ANO1: variants seen among roughly 807,000 people sequenced by gnomAD.
ANO1 encodes anoctamin 1.
ANO1 carries 59 observed loss-of-function variants against 124.0 expected under a neutral mutation model. The observed-to-expected ratio is 0.48, with a 90% confidence interval of 0.39 to 0.59. The LOEUF (loss-of-function observed/expected upper bound fraction) is 0.59, where lower values mean the gene tolerates loss of function less well. Ranked by LOEUF, ANO1 falls within the 20% of genes least tolerant of loss-of-function variation. The pLI, the probability that ANO1 is intolerant of heterozygous loss-of-function variation, is 0.00. For synonymous variants in ANO1, 529 were observed against 532.0 expected (o/e 0.99, Z 0.08); for missense variants, 1,059 against 1,328.0 (o/e 0.80, Z 3.15).
chr11:70,044,442 G>A (rs1555005364), intron 1 of ANO1, among the ~76,000 whole-genome samples: 1 of 152,114 alleles, frequency 6.6e-6, no homozygotes, highest in African/African-American at 2.4e-5. Flanking sequence ...TCAGCTGGAA[G>A]GTGCTACCAT....
At chr11:70,016,085 T>C (rs1856698340) in intron 1 of ANO1, among the ~76,000 whole-genome samples, 1 of 151,898 alleles carries the variant, frequency 6.6e-6, no homozygotes, top group East Asian at 1.9e-4. Context: ...TGGAGTGCAG[T>C]GGTGCAATCT....
chr11:70,176,825 C>G (rs2135804223), intron 22 of ANO1, among the ~76,000 whole-genome samples: 1 of 152,278 alleles, frequency 6.6e-6, no homozygotes, highest in East Asian at 1.9e-4. Flanking sequence ...TACAGAGATC[C>G]TTAGAGCAGT....
At chr11:70,025,931 G>T (rs1194672563) in intron 1 of ANO1, among the ~76,000 whole-genome samples, 1 of 150,748 alleles carries the variant, frequency 6.6e-6, no homozygotes, top group African/African-American at 2.5e-5. Flanking sequence ...CGATGATGAT[G>T]GTGCTGGTGG....
chr11:70,047,678 A>G (rs189708412), intron 1 of ANO1, among the ~76,000 whole-genome samples: 429 of 152,356 alleles, frequency 2.8e-3, no homozygotes, highest in Middle Eastern at 0.02. Flanking sequence ...CAGCCTTCTC[A>G]TGACACTCTA....
At chr11:70,093,294 C>G (rs1171232436) in intron 2 of ANO1, among the ~76,000 whole-genome samples, 1 of 151,008 alleles carries the variant, frequency 6.6e-6, no homozygotes, top group Non-Finnish European at 1.5e-5. Context: ...CCTTCTCCCT[C>G]CCTCTCTGTC....
At chr11:70,055,471 A>AT in intron 1 of ANO1, among the ~76,000 whole-genome samples, 1 of 151,922 alleles carries the variant, frequency 6.6e-6, no homozygotes, top group Non-Finnish European at 1.5e-5. Flanking sequence ...TATTTATTTG[A>AT]TATTTCTATA....
At chr11:70,024,456 A>T (rs1555002959) in intron 1 of ANO1, among the ~76,000 whole-genome samples, 1 of 152,186 alleles carries the variant, frequency 6.6e-6, no homozygotes, top group Non-Finnish European at 1.5e-5. Flanking sequence ...CTTCCCCTGC[A>T]GAGAATAGCT....
intron 7 of ANO1, among the ~76,000 whole-genome samples, chr11:70,114,807 G>A (rs990452045): frequency 3.1e-4 from 47 of 152,326 alleles, no homozygotes; most frequent in African/African-American, 1.0e-3. Context: ...GCTGAGGCAG[G>A]AGAATTGCTT....
chr11:69,981,420 C>T (rs1317197759), upstream of ANO1, among the ~76,000 whole-genome samples: 2 of 152,230 alleles, frequency 1.3e-5, no homozygotes, highest in Non-Finnish European at 2.9e-5. Flanking sequence ...TGGAACGGGG[C>T]CTGGCACACA....
At chr11:70,179,909 C>A (rs2048868204) in intron 22 of ANO1, 95 bp from the exon 23 acceptor site, 1 of 1,152,832 alleles carries the variant, frequency 8.7e-7, no homozygotes, top group Non-Finnish European at 1.3e-6. Context: ...AAAGCCTGGC[C>A]CCTGCAAGGG....
intron 11 of ANO1, among the ~76,000 whole-genome samples, chr11:70,139,183 CAG>C (rs1209654899): frequency 1.3e-5 from 2 of 152,244 alleles, no homozygotes; most frequent in East Asian, 1.9e-4. Context: ...TATCTTGAGA[CAG>C]AGTGTCTGTC....
intron 1 of ANO1, chr11:70,056,614 A>C (rs1857439658): frequency 6.6e-6 from 1 of 152,140 alleles, no homozygotes; most frequent in East Asian, 1.9e-4. Context: ...GCATTATGCA[A>C]ATATACCCTG....
At chr11:70,016,771 A>G (rs1454439529) in intron 1 of ANO1, among the ~76,000 whole-genome samples, 2 of 152,206 alleles carry the variant, frequency 1.3e-5, no homozygotes, top group African/African-American at 4.8e-5. Flanking sequence ...CTCACCCTTA[A>G]TCTGGCTGCA....
intron 2 of ANO1, among the ~76,000 whole-genome samples, chr11:70,092,296 T>C (rs1444137780): frequency 6.6e-6 from 1 of 152,196 alleles, no homozygotes; most frequent in African/African-American, 2.4e-5. Context: ...GAGATCACAT[T>C]GATAAGTGCC....
intron 22 of ANO1, among the ~76,000 whole-genome samples, chr11:70,173,579 G>T (rs146532366): frequency 1.3e-3 from 195 of 152,314 alleles, no homozygotes; most frequent in African/African-American, 4.5e-3. Context: ...GTGGAGCAAG[G>T]GTAGAGTGCT....
chr11:69,984,812 C>T (rs950099482), upstream of ANO1, among the ~76,000 whole-genome samples: 1 of 152,248 alleles, frequency 6.6e-6, no homozygotes, highest in African/African-American at 2.4e-5. Context: ...ACCAGCTCCT[C>T]CCTTGGGGTG....
chr11:69,982,322 C>A (rs1450456317), upstream of ANO1, among the ~76,000 whole-genome samples: 2 of 152,188 alleles, frequency 1.3e-5, no homozygotes, highest in African/African-American at 4.8e-5. Context: ...TGGGTGCCCA[C>A]TTCTCCACCT....
intron 1 of ANO1, among the ~76,000 whole-genome samples, chr11:70,001,682 G>A (rs1856384231): frequency 6.6e-6 from 1 of 152,244 alleles, no homozygotes; most frequent in African/African-American, 2.4e-5. Flanking sequence ...GCTGCCAGGT[G>A]CTGGGTGCAT....
chr11:70,080,724 A>G (rs1029600667), intron 1 of ANO1, among the ~76,000 whole-genome samples: 1 of 152,238 alleles, frequency 6.6e-6, no homozygotes, highest in African/African-American at 2.4e-5. Flanking sequence ...CCTGGGTTCC[A>G]CACAACACTT....
Sources: gnomAD v4.1 joint callset for allele counts (sites outside exome capture counted in the v4.1 genomes callset) on GRCh38, gnomAD v4.1.1 for gene constraint, MANE v1.5 for transcripts, NCBI Gene and HGNC (gene_info 2026-07-23, HGNC 2026-07-21) for gene names.